ABL1: variants seen among roughly 807,000 people sequenced by gnomAD.
ABL1 encodes ABL proto-oncogene 1, non-receptor tyrosine kinase.
A neutral mutation model predicts 94.7 loss-of-function variants in ABL1; 11 were observed. That is an observed-to-expected ratio of 0.12 (90% CI 0.07 to 0.19). The LOEUF (loss-of-function observed/expected upper bound fraction) is 0.19. Among genes scored for constraint, ABL1 ranks in the 10% least tolerant of loss-of-function variants. The pLI, the probability that ABL1 is intolerant of heterozygous loss-of-function variation, is 1.00. For synonymous variants in ABL1, 656 were observed against 622.4 expected, an observed-to-expected ratio of 1.05 and a Z score of -0.80; for missense variants, 1,082 against 1,489.4, an observed-to-expected ratio of 0.73 and a Z score of 4.50.
chr9:130,885,101 G>C lies in ABL1; in HGVS notation c.2811G>C (p.Leu937=), dbSNP rs536169158. Reference sequence around the variant, plus strand: ...GCGCAAAGACAAAAGCCACGAGTCTGGTTGATGCTGTGAACAGTGACGCTG... The same window carrying C: ...GCGCAAAGACAAAAGCCACGAGTCTCGTTGATGCTGTGAACAGTGACGCTG... ...VLGAKTKATS[L]VDAVNSDAAK... Residue 937 remains leucine (L), a synonymous_variant, in exon 11 of 11, where the codon CTG becomes CTC. Coordinates refer to ENST00000318560, the MANE Select transcript of ABL1 (RefSeq NM_005157.6). 1 of 1,611,528 alleles carries C rather than the reference G, an allele frequency of 6.2e-7. No homozygotes were observed. Among genetic ancestry groups the C allele is most frequent in the South Asian group, 1.1e-5 (1 of 91,002 alleles).
chr9:130,753,513 T>A (rs1453207140), intron 1 of ABL1, among the ~76,000 whole-genome samples: 5 of 146,434 alleles, frequency 3.4e-5, no homozygotes, highest in South Asian at 2.3e-4. Flanking sequence ...GCAACCTCTG[T>A]CTCCTAGGTT....
chr9:130,792,727 T>C lies in ABL1; in HGVS notation c.137-61337T>C, dbSNP rs12341805. On this transcript the variant is annotated intron_variant, in intron 1 of 10. Transcript: ENST00000372348. ...CGTATGACATCTCATTTGATGTCTT[T>C]GAGATGACAGATGTTGTCCCTACTG... Among the ~76,000 whole-genome samples, 980 of 152,340 alleles carry C rather than the reference T, an allele frequency of 6.4e-3. 13 individuals are homozygous for C. The highest frequency in any genetic ancestry group is 0.022 in the African/African-American group (914 of 41,578).
chr9:130,757,940 C>G (rs1832061798), intron 1 of ABL1, among the ~76,000 whole-genome samples: 1 of 152,174 alleles, frequency 6.6e-6, no homozygotes, highest in South Asian at 2.1e-4. Flanking sequence ...AGTGAGGAAG[C>G]AATGGCCCCT....
chr9:130,783,817 A>G (rs1829789911), intron 1 of ABL1, among the ~76,000 whole-genome samples: 1 of 151,994 alleles, frequency 6.6e-6, no homozygotes, highest in African/African-American at 2.4e-5. Flanking sequence ...CACCACGCCC[A>G]GCTAATTTTT....
At chr9:130,867,399 A>G (rs991563694) in intron 4 of ABL1, among the ~76,000 whole-genome samples, 17 of 152,108 alleles carry the variant, frequency 1.1e-4, no homozygotes, top group African/African-American at 4.1e-4. Context: ...CTTATTTCCA[A>G]TATTTTGCTG....
At chr9:130,808,097 C>G (rs1304473601) in intron 1 of ABL1, among the ~76,000 whole-genome samples, 1 of 148,672 alleles carries the variant, frequency 6.7e-6, no homozygotes, top group Non-Finnish European at 1.5e-5. Context: ...AAAAAAAAAA[C>G]AGATTAACTG....
chr9:130,880,664 G>A lies in ABL1; in HGVS notation c.1678G>A (p.Asp560Asn), dbSNP rs148373182. 132 of 1,612,826 alleles carry A rather than the reference G, an allele frequency of 8.2e-5. No homozygotes were observed. The East Asian group carries it at 2.8e-3, about 34-fold the overall frequency. Residue 560 changes from aspartate (D) to asparagine (N), a missense_variant and splice_region_variant, in exon 10 of 11, where the codon GAT (aspartate) becomes AAT (asparagine). By Grantham distance (23) the Asp-to-Asn change is conservative (BLOSUM62 1). This residue lies in a region of ABL1 where 780 missense variants were observed against 835.8 expected (regional missense o/e 0.93). Coordinates refer to ENST00000318560, the MANE Select transcript of ABL1 (RefSeq NM_005157.6). This position sits in a 1 kb window ranked among gnomAD's most constrained non-coding sequence, Gnocchi z 4.4. ...MPHSKGQGES[D>N]PLDHEPAVSP... is the part of the protein sequence containing the mutation. ...TCACTCCAAGGGCCAGGGAGAGAGC[G>A]GTAAGTCCCCCGCTTCCCCCAACCC... is the stretch of plus-strand genomic sequence containing the variant.
intron 1 of ABL1, among the ~76,000 whole-genome samples, chr9:130,763,323 G>T (rs201409781): frequency 5.7e-4 from 83 of 144,892 alleles, no homozygotes; most frequent in South Asian, 8.9e-4. Context: ...CATTTTTGTG[G>T]TTTTTTTTCA....
chr9:130,868,994 C>T (rs61638880), intron 4 of ABL1, among the ~76,000 whole-genome samples: 1 of 152,016 alleles, frequency 6.6e-6, no homozygotes, highest in Non-Finnish European at 1.5e-5. Flanking sequence ...GGTGAAACCC[C>T]GTCTCTACTA....
rs60206110 is a variant in ABL1, at chr9:130,751,129, CTTTTTTTTTTTTTTTT to C, written c.136+36689_136+36704del. On this transcript the variant is annotated intron_variant, in intron 1 of 10. Transcript: ENST00000372348. ...TTTGAAACTTGTTTTTTTTATTCAG[CTTTTTTTTTTTTTTTT>C]TTTTTTTTTTTTTTGAGATGGAGTC... Among the ~76,000 whole-genome samples, 506 of 57,512 alleles carry C rather than the reference CTTTTTTTTTTTTTTTT, an allele frequency of 8.8e-3. 2 individuals carry two copies. The highest frequency in any genetic ancestry group is 0.037 in the Middle Eastern group (2 of 54). The allele number at this position is 57,512 out of a possible 152,430, so 37.7% of individuals were successfully genotyped here.
chr9:130,872,973 C>T lies in ABL1; in HGVS notation c.1021C>T (p.Leu341=). The change falls in exon 6 of 11, where the codon CTG becomes TTG. Residue 341 remains leucine, a synonymous_variant. Transcript: ENST00000318560. The surrounding 1 kb of genome is among the most constrained non-coding windows in gnomAD (Gnocchi z 5.0). The part of the protein sequence containing the change: ...NRQEVNAVVL[L]YMATQISSAM... ...GCAGGAGGTGAACGCCGTGGTGCTG[C>T]TGTACATGGCCACTCAGATCTCGTC... 6.2e-7 allele frequency: 1 copy of T among 1,614,224 alleles called. No homozygotes were observed. The highest frequency in any genetic ancestry group is 1.7e-5 in the Admixed American group (1 of 60,028).
At chr9:130,883,535 C>T (rs1457641642) in intron 10 of ABL1, among the ~76,000 whole-genome samples, 3 of 151,696 alleles carry the variant, frequency 2.0e-5, no homozygotes, top group Non-Finnish European at 4.4e-5. Flanking sequence ...TGGTCTCTTT[C>T]CCTGAAGATG....
At chr9:130,744,862 AAAAAAAAAAAAC>A (rs1564276795) in intron 1 of ABL1, among the ~76,000 whole-genome samples, 1 of 151,174 alleles carries the variant, frequency 6.6e-6, no homozygotes, top group African/African-American at 2.4e-5. Flanking sequence ...GTCTCAAAAA[AAAAAAAAAAAAC>A]AAAACTATCT....
In ABL1 at chr9:130,886,968, C is replaced by T. The variant is rs1446537458; in HGVS notation, c.*1285C>T. The T allele has an allele frequency of 4.3e-6, 1 of 232,834 alleles. No individual in the cohort carries two copies. The highest frequency in any genetic ancestry group is 8.5e-6 in the Non-Finnish European group (1 of 117,848). 14.4% of individuals were successfully genotyped at this position (232,834 alleles called of 1,614,324 possible). ...GGGTTAGGAAAACCACAAACGGAGC[C>T]CCTGAAAGCCTCACGTATTTCACAG... On this transcript the variant is annotated 3_prime_UTR_variant, in exon 11 of 11. Coordinates refer to ENST00000318560, the MANE Select transcript of ABL1 (RefSeq NM_005157.6).
intron 1 of ABL1, among the ~76,000 whole-genome samples, chr9:130,850,380 G>T (rs6597642): frequency 1.3e-5 from 2 of 152,102 alleles, no homozygotes; most frequent in Non-Finnish European, 2.9e-5. Flanking sequence ...GTGGGAATGC[G>T]TAGTGAATGG....
intron 1 of ABL1, among the ~76,000 whole-genome samples, chr9:130,740,215 C>G (rs1278359545): frequency 6.6e-6 from 1 of 152,156 alleles, no homozygotes; most frequent in Non-Finnish European, 1.5e-5. Flanking sequence ...CAAACATTCA[C>G]AATGTGGTTA....
At chr9:130,731,651 G>A (rs116499067) in intron 1 of ABL1, among the ~76,000 whole-genome samples, 73 of 152,254 alleles carry the variant, frequency 4.8e-4, no homozygotes, top group African/African-American at 1.6e-3. Flanking sequence ...GTATTACAAT[G>A]TATTACTGTA....
intron 1 of ABL1, among the ~76,000 whole-genome samples, chr9:130,754,732 G>A (rs1240182053): frequency 6.6e-6 from 1 of 152,062 alleles, no homozygotes; most frequent in Non-Finnish European, 1.5e-5. Context: ...GGAGAGGCAA[G>A]ATAGGAAGAT....
intron 3 of ABL1, 116 bp downstream of exon 3, chr9:130,855,212 CTT>C: frequency 8.1e-7 from 1 of 1,234,928 alleles, no homozygotes; most frequent in Non-Finnish European, 1.1e-6. Flanking sequence ...TTTAAAGAAT[CTT>C]TCAGGTGGGA....
Sources: gnomAD v4.1 joint callset for allele counts (sites outside exome capture counted in the v4.1 genomes callset) on GRCh38, gnomAD v4.1.1 for gene constraint, gnomAD v4.1.1 regional missense constraint, Gnocchi (gnomAD v3.1) non-coding constraint, MANE v1.5 for transcripts, NCBI Gene and HGNC (gene_info 2026-07-23, HGNC 2026-07-21) for gene names.